Variants in GRID2 observed in about 807,000 individuals in gnomAD.
The protein encoded by GRID2 is glutamate receptor ionotropic, delta-2.
In GRID2, 33 loss-of-function variants were observed where a neutral mutation model predicts 114.8. The ratio of observed to expected loss-of-function variants is 0.29; its 90% CI spans 0.22 to 0.38. The LOEUF (loss-of-function observed/expected upper bound fraction) is 0.38. GRID2 is among the 10% of genes least tolerant of loss of function. The probability of loss-of-function intolerance (pLI) is 1.00; values close to 1 mark genes in which losing one functional copy is unlikely to be tolerated. For missense variants in GRID2, 1,184 were observed against 1,257.7 expected (o/e 0.94, Z 0.89); for synonymous variants, 505 against 449.9 (o/e 1.12, Z -1.55).
chr4:93,090,605 C>T (rs1383095268), intron 3 of GRID2, among the ~76,000 whole-genome samples: 2 of 152,102 alleles, frequency 1.3e-5, no homozygotes, highest in Non-Finnish European at 2.9e-5. Flanking sequence ...CCATGTAGCT[C>T]CCATAAATAA....
intron 8 of GRID2, among the ~76,000 whole-genome samples, chr4:93,364,182 G>A (rs749554634): frequency 2.6e-5 from 4 of 151,970 alleles, no homozygotes; most frequent in African/African-American, 7.2e-5. Flanking sequence ...CTAAAGCTAC[G>A]TTTTCATAAA....
At chr4:93,547,586 A>T (rs940120897) in intron 13 of GRID2, among the ~76,000 whole-genome samples, 1 of 152,148 alleles carries the variant, frequency 6.6e-6, no homozygotes, top group Admixed American at 6.5e-5. Flanking sequence ...CATGCTAATT[A>T]TTATCTCTAA....
At chr4:93,796,658 CTCAGCCT>C (rs1395759945) in intron 1 of GRID2, among the ~76,000 whole-genome samples, 1 of 152,202 alleles carries the variant, frequency 6.6e-6, no homozygotes. Context: ...ATTCTCCTGC[CTCAGCCT>C]CCCAAGTAAC....
intron 10 of GRID2, among the ~76,000 whole-genome samples, chr4:93,439,108 G>A (rs1721384045): frequency 6.6e-6 from 1 of 152,046 alleles, no homozygotes; most frequent in South Asian, 2.1e-4. Flanking sequence ...TTGGTTCCAA[G>A]TCTTTGCTAT....
intron 1 of GRID2, among the ~76,000 whole-genome samples, chr4:92,312,528 A>G (rs1188642308): frequency 6.6e-6 from 1 of 152,096 alleles, no homozygotes; most frequent in East Asian, 1.9e-4. Context: ...AAGGTATTTT[A>G]CCCAAATACA....
At chr4:92,713,275 A>C (rs1735351355) in intron 2 of GRID2, among the ~76,000 whole-genome samples, 1 of 151,334 alleles carries the variant, frequency 6.6e-6, no homozygotes, top group South Asian at 2.1e-4. Context: ...TAACACATAA[A>C]ATGACAAAAT....
chr4:93,467,741 A>C (rs1278718967), intron 11 of GRID2, among the ~76,000 whole-genome samples: 1 of 152,014 alleles, frequency 6.6e-6, no homozygotes, highest in Non-Finnish European at 1.5e-5. Flanking sequence ...TTAATAAATC[A>C]CTCCATCTTA....
chr4:93,417,880 G>A (rs1420994749), intron 9 of GRID2, among the ~76,000 whole-genome samples: 1 of 151,126 alleles, frequency 6.6e-6, no homozygotes, highest in Non-Finnish European at 1.5e-5. Flanking sequence ...TTTTTAGATT[G>A]TTTCCACATT....
intron 4 of GRID2, among the ~76,000 whole-genome samples, chr4:93,182,581 AG>A (rs1414051347): frequency 2.0e-5 from 3 of 152,222 alleles, no homozygotes; most frequent in Non-Finnish European, 4.4e-5. Flanking sequence ...CTACATTATC[AG>A]AAGTCAAAAT....
chr4:93,764,715 T>C (rs1232384194), intron 14 of GRID2, among the ~76,000 whole-genome samples: 2 of 152,182 alleles, frequency 1.3e-5, no homozygotes, highest in Non-Finnish European at 2.9e-5. Flanking sequence ...TAAACTTATT[T>C]CTAATAGTTT....
intron 12 of GRID2, among the ~76,000 whole-genome samples, chr4:93,502,400 C>T (rs1728197223): frequency 6.6e-6 from 1 of 151,870 alleles, no homozygotes; most frequent in Non-Finnish European, 1.5e-5. Flanking sequence ...TCTTAATAAA[C>T]AAGGTGTGAG....
intron 14 of GRID2, among the ~76,000 whole-genome samples, chr4:93,710,959 C>T (rs1388606054): frequency 6.6e-6 from 1 of 151,822 alleles, no homozygotes; most frequent in Non-Finnish European, 1.5e-5. Flanking sequence ...CTTGCCAGGA[C>T]TGAATCTCCC....
chr4:93,267,493 G>A (rs1193926208), intron 8 of GRID2, among the ~76,000 whole-genome samples: 1 of 152,198 alleles, frequency 6.6e-6, no homozygotes, highest in African/African-American at 2.4e-5. Flanking sequence ...GTGATATTGG[G>A]ACCTGATGCA....
At chr4:92,826,524 G>A (rs1741711506) in intron 2 of GRID2, among the ~76,000 whole-genome samples, 1 of 151,984 alleles carries the variant, frequency 6.6e-6, no homozygotes, top group Non-Finnish European at 1.5e-5. Context: ...GTTCCAAAAA[G>A]AAGTGATTTT....
chr4:92,410,015 A>G (rs1411270792), intron 1 of GRID2, among the ~76,000 whole-genome samples: 3 of 152,240 alleles, frequency 2.0e-5, no homozygotes, highest in Non-Finnish European at 4.4e-5. Context: ...GAGACTTCTC[A>G]GATTTAATGA....
At chr4:93,463,771 G>C (rs373639238) in intron 11 of GRID2, among the ~76,000 whole-genome samples, 148 of 152,008 alleles carry the variant, frequency 9.7e-4, no homozygotes, top group African/African-American at 1.9e-3. Flanking sequence ...GGGTGGATCA[G>C]GAGGTCAGGA....
chr4:92,381,572 A>T (rs966248329), intron 1 of GRID2, among the ~76,000 whole-genome samples: 1 of 152,008 alleles, frequency 6.6e-6, no homozygotes, highest in African/African-American at 2.4e-5. Context: ...TCACTTGCTC[A>T]ATTCCATCTC....
intron 3 of GRID2, among the ~76,000 whole-genome samples, chr4:93,107,747 G>C (rs6825233): frequency 0.35 from 53,318 of 151,528 alleles, 9,786 homozygotes; most frequent in Admixed American, 0.52. Context: ...ACCCACCTCA[G>C]CCTCCCAAAG....
chr4:93,335,800 G>C (rs947718028), intron 8 of GRID2, among the ~76,000 whole-genome samples: 1 of 151,490 alleles, frequency 6.6e-6, no homozygotes, highest in Non-Finnish European at 1.5e-5. Flanking sequence ...CTGGGCTCAA[G>C]GGATCCTCTC....
Sources: allele counts gnomAD v4.1 joint callset (sites outside exome capture counted in the v4.1 genomes callset), GRCh38; gene constraint gnomAD v4.1.1; transcripts MANE v1.5; gene names NCBI Gene and HGNC (gene_info 2026-07-23, HGNC 2026-07-21).